SNX29: variants seen among roughly 807,000 people sequenced by gnomAD.
The protein encoded by SNX29 is sorting nexin 29, also known as sorting nexin-29.
SNX29 carries 78 observed loss-of-function variants against 102.1 expected under a neutral mutation model. The observed-to-expected ratio is 0.76, with a 90% CI of 0.64 to 0.92. SNX29 has a LOEUF of 0.92. Among genes scored for constraint, SNX29 ranks in the 40% least tolerant of loss-of-function variants. The pLI is 0.00. For synonymous variants in SNX29, 580 were observed against 414.5 expected (o/e 1.40, Z -4.85); for missense variants, 1,280 against 1,061.7 (o/e 1.21, Z -2.86).
intron 18 of SNX29, among the ~76,000 whole-genome samples, chr16:12,448,543 G>A (rs1276763575): frequency 6.6e-6 from 1 of 150,962 alleles, no homozygotes; most frequent in Non-Finnish European, 1.5e-5. Flanking sequence ...GACACCTCCT[G>A]CTTATGTACA....
chr16:12,546,321 A>T (rs1383256631), intron 20 of SNX29: 1 of 152,256 alleles, frequency 6.6e-6, no homozygotes, highest in Admixed American at 6.5e-5. Context: ...TGCAATTTAC[A>T]GAAAGAAGGT....
intron 14 of SNX29, among the ~76,000 whole-genome samples, chr16:12,261,887 C>T (rs1012516077): frequency 7.0e-6 from 1 of 143,214 alleles, no homozygotes; most frequent in Non-Finnish European, 1.5e-5. Context: ...TTGCTGAGCT[C>T]GGGTCTGTGC....
chr16:12,260,901 GTGTT>G (rs2078726367), intron 14 of SNX29, among the ~76,000 whole-genome samples: 1 of 151,248 alleles, frequency 6.6e-6, no homozygotes, highest in Non-Finnish European at 1.5e-5. Flanking sequence ...GCTGGAGTGA[GTGTT>G]TGTTGAGCTC....
chr16:12,561,796 G>A (rs1216147201), intron 20 of SNX29, among the ~76,000 whole-genome samples: 1 of 152,280 alleles, frequency 6.6e-6, no homozygotes, highest in African/African-American at 2.4e-5. Flanking sequence ...GCGTGGCCTG[G>A]CAGGGGGCTC....
At chr16:12,298,034 G>C (rs932723420) in intron 15 of SNX29, among the ~76,000 whole-genome samples, 1 of 152,208 alleles carries the variant, frequency 6.6e-6, no homozygotes, top group Non-Finnish European at 1.5e-5. Context: ...GCTTGGCATG[G>C]TGGTGTGCGT....
rs774819845 is a variant in SNX29 at position 12,051,970 on chromosome 16, G to C, written c.872G>C (p.Ser291Thr). The C allele has an allele frequency of 1.9e-6, 3 of 1,613,928 alleles. No homozygotes were observed. The highest frequency in any genetic ancestry group is 2.5e-6 in the Non-Finnish European group (3 of 1,179,850). ...AAAAAGACACCTGGGGCAGGGGAGA[G>C]CTCAGAGGACAACTCCGACCGCTCC... is the stretch of plus-strand genomic sequence containing the variant. ...VFKKTPGAGESSEDNSDRSSV... is the reference protein window; with the variant it reads ...VFKKTPGAGETSEDNSDRSSV... The change falls in exon 8 of 21, where the codon AGC (serine) becomes ACC (threonine). Residue 291 changes from serine to threonine, a missense_variant. Transcript: ENST00000566228.
At chr16:12,481,409 C>T (rs1004414772) in intron 19 of SNX29, among the ~76,000 whole-genome samples, 1 of 149,160 alleles carries the variant, frequency 6.7e-6, no homozygotes. Flanking sequence ...CACACACACA[C>T]ACATATACAT....
chr16:12,438,502 C>G (rs1472666278), intron 18 of SNX29, among the ~76,000 whole-genome samples: 1 of 152,178 alleles, frequency 6.6e-6, no homozygotes, highest in East Asian at 1.9e-4. Context: ...ATCTCAACCT[C>G]TGTCCAAGCA....
At chr16:12,129,882 A>C (rs2054381098) in intron 13 of SNX29, 124 bp downstream of exon 13, 2 of 1,193,994 alleles carry the variant, frequency 1.7e-6, no homozygotes, top group Admixed American at 3.1e-5. Context: ...AGGCGGGTGG[A>C]TCATAAGGTC....
intron 8 of SNX29, among the ~76,000 whole-genome samples, chr16:12,057,040 C>G (rs1273356015): frequency 6.6e-6 from 1 of 152,124 alleles, no homozygotes; most frequent in Non-Finnish European, 1.5e-5. Flanking sequence ...TCTTGATTTC[C>G]TGGCCTGAAG....
intron 15 of SNX29, among the ~76,000 whole-genome samples, chr16:12,279,496 C>G (rs550966371): frequency 2.6e-5 from 4 of 152,222 alleles, no homozygotes; most frequent in Non-Finnish European, 5.9e-5. Flanking sequence ...CCTGTGTGCT[C>G]TCTGCCCAGT....
intron 15 of SNX29, among the ~76,000 whole-genome samples, chr16:12,318,332 A>C (rs2080819694): frequency 6.6e-6 from 1 of 152,192 alleles, no homozygotes; most frequent in Non-Finnish European, 1.5e-5. Context: ...ATCGTGACTC[A>C]AAATTTTCTC....
chr16:12,239,454 A>G (rs1189195818), intron 14 of SNX29, among the ~76,000 whole-genome samples: 1 of 151,990 alleles, frequency 6.6e-6, no homozygotes, highest in Non-Finnish European at 1.5e-5. Flanking sequence ...CTCCCAAAGC[A>G]CCTGGCTCAG....
At chr16:12,478,806 C>G (rs1452282296) in intron 19 of SNX29, among the ~76,000 whole-genome samples, 1 of 152,168 alleles carries the variant, frequency 6.6e-6, no homozygotes, top group South Asian at 2.1e-4. Context: ...CTGATTGAAT[C>G]GATCTGAAGG....
chr16:12,461,978 A>ATATATACATAT (rs869301507), intron 18 of SNX29, among the ~76,000 whole-genome samples: 1 of 27,354 alleles, frequency 3.7e-5, no homozygotes, highest in African/African-American at 1.4e-4. Flanking sequence ...AAAAAAAAAA[A>ATATATACATAT]ATATATATAT....
intron 8 of SNX29, among the ~76,000 whole-genome samples, chr16:12,056,979 G>T (rs1389638055): frequency 6.6e-6 from 1 of 151,796 alleles, no homozygotes; most frequent in South Asian, 2.1e-4. Flanking sequence ...ATGCCACCAC[G>T]CCCAGCTAAT....
At position 12,571,973 on chromosome 16, in the gene SNX29, G is replaced by A. The variant is rs574268050; in HGVS notation, c.*3344G>A. On this transcript the variant is annotated 3_prime_UTR_variant, in exon 21 of 21. Transcript: ENST00000566228. ...GAGGCTCTTACAGTCTATGGTGGTA[G>A]CCATCTTCACATCCAGTCACCAGTT... 3.4e-5 allele frequency: 36 copies of A among 1,061,836 alleles called. No individual in the cohort carries two copies. In the South Asian group the frequency reaches 8.7e-4, roughly 26 times the overall value. 65.8% of individuals were successfully genotyped at this position (1,061,836 alleles called of 1,614,324 possible). A position where few individuals can be genotyped will look rare whatever the true frequency, so the allele number is the denominator to read the frequency against.
intron 18 of SNX29, among the ~76,000 whole-genome samples, chr16:12,438,498 A>G (rs1456471011): frequency 1.3e-5 from 2 of 152,082 alleles, no homozygotes; most frequent in African/African-American, 2.4e-5. Flanking sequence ...TTTGATCTCA[A>G]CCTCTGTCCA....
intron 11 of SNX29, among the ~76,000 whole-genome samples, chr16:12,107,285 C>G (rs1430253960): frequency 6.6e-6 from 1 of 151,164 alleles, no homozygotes; most frequent in Non-Finnish European, 1.5e-5. Flanking sequence ...CAGCTGGCAT[C>G]TGCTCCAGGT....
Sources: gnomAD v4.1 joint callset for allele counts (sites outside exome capture counted in the v4.1 genomes callset) on GRCh38, gnomAD v4.1.1 for gene constraint, MANE v1.5 for transcripts, NCBI Gene and HGNC (gene_info 2026-07-23, HGNC 2026-07-21) for gene names.